The following HTR2C variants were observed in gnomAD, a reference collection of about 807,000 sequenced individuals.
HTR2C encodes the protein 5-hydroxytryptamine (serotonin) receptor 2C, G protein-coupled.
A neutral mutation model predicts 21.0 loss-of-function variants in HTR2C; 5 were observed. The ratio of observed to expected loss-of-function variants is 0.24; its 90% confidence interval spans 0.12 to 0.50. The LOEUF is 0.50. HTR2C is among the 20% of genes least tolerant of loss of function. The pLI is 0.98. For synonymous variants in HTR2C, 150 were observed against 145.3 expected (o/e 1.03, Z -0.23); for missense variants, 271 against 371.2 (o/e 0.73, Z 2.22).
At chrX:114,694,205 A>G (rs1179957427) in intron 2 of HTR2C, among the ~76,000 whole-genome samples, 1 of 110,153 alleles carries the variant, frequency 9.1e-6, no homozygotes, top group Non-Finnish European at 1.9e-5. Context: ...ATTTTCCTTC[A>G]CTCTTGAAAG....
At chrX:114,705,683 G>T (rs1220903985) in intron 2 of HTR2C, among the ~76,000 whole-genome samples, 53 of 73,873 alleles carry the variant, frequency 7.2e-4, no homozygotes, top group African/African-American at 2.2e-3. Context: ...AAAAGCAATG[G>T]AAACAAAAGA....
intron 2 of HTR2C, among the ~76,000 whole-genome samples, chrX:114,650,726 C>T (rs1040803578): frequency 9.0e-6 from 1 of 111,698 alleles, no homozygotes; most frequent in Non-Finnish European, 1.9e-5. Flanking sequence ...TGTAAACTCC[C>T]TTGTAGACAG....
At chrX:114,888,440 A>G (rs2071236947) in intron 5 of HTR2C, among the ~76,000 whole-genome samples, 1 of 112,066 alleles carries the variant, frequency 8.9e-6, no homozygotes, top group Non-Finnish European at 1.9e-5. Context: ...CCCGCTTCTC[A>G]GCTACACTTA....
At chrX:114,895,739 G>A (rs1179301855) in intron 5 of HTR2C, among the ~76,000 whole-genome samples, 3 of 111,623 alleles carry the variant, frequency 2.7e-5, no homozygotes, top group African/African-American at 6.5e-5. Flanking sequence ...TGTAATCCCA[G>A]CACTTTGGGA....
At chrX:114,906,374 T>C (rs1326734216) in intron 5 of HTR2C, among the ~76,000 whole-genome samples, 2 of 111,652 alleles carry the variant, frequency 1.8e-5, no homozygotes, top group Non-Finnish European at 3.8e-5. Flanking sequence ...TCTACAGAAT[T>C]TAGGGAGAAG....
At chrX:114,625,524 C>G (rs1443319368) in intron 2 of HTR2C, among the ~76,000 whole-genome samples, 1 of 110,964 alleles carries the variant, frequency 9.0e-6, no homozygotes, top group Admixed American at 9.7e-5. Context: ...TGCCAGCTCC[C>G]CTTCACCTTC....
At chrX:114,791,378 T>C (rs1273369661) in intron 4 of HTR2C, among the ~76,000 whole-genome samples, 4 of 111,995 alleles carry the variant, frequency 3.6e-5, no homozygotes, top group Non-Finnish European at 7.5e-5. Flanking sequence ...ATGCAAATTT[T>C]CTTAGTCGGT....
intron 2 of HTR2C, among the ~76,000 whole-genome samples, chrX:114,648,782 A>G (rs1024562499): frequency 1.8e-5 from 2 of 111,813 alleles, no homozygotes; most frequent in African/African-American, 3.3e-5. Flanking sequence ...ATTATTGCTT[A>G]GTCTGTGTTA....
chrX:114,708,654 T>G (rs1556418752), intron 2 of HTR2C, among the ~76,000 whole-genome samples: 2 of 110,445 alleles, frequency 1.8e-5, no homozygotes, highest in South Asian at 3.9e-4. Context: ...AAATTTTTTT[T>G]AAATCAACCA....
intron 5 of HTR2C, among the ~76,000 whole-genome samples, chrX:114,872,133 C>A (rs1326580881): frequency 2.7e-5 from 3 of 110,320 alleles, no homozygotes; most frequent in African/African-American, 9.9e-5. Flanking sequence ...GCCCAGTACC[C>A]AATTGTTATC....
intron 4 of HTR2C, among the ~76,000 whole-genome samples, chrX:114,828,641 A>G (rs372298548): frequency 1.8e-5 from 2 of 111,804 alleles, no homozygotes. Context: ...TACATTCACA[A>G]TGATGTCCAA....
chrX:114,615,061 G>A (rs11798460), intron 2 of HTR2C, among the ~76,000 whole-genome samples: 15,556 of 110,857 alleles, frequency 0.14, 837 homozygotes, highest in South Asian at 0.31. Context: ...TAATATATAC[G>A]CATTAGATTA....
chrX:114,730,338 A>G (rs782761307), intron 3 of HTR2C, among the ~76,000 whole-genome samples: 4 of 111,969 alleles, frequency 3.6e-5, no homozygotes, highest in African/African-American at 6.5e-5. Context: ...TGAGAAATGT[A>G]CATTTCTAAT....
At chrX:114,775,171 C>T (rs782078633) in intron 4 of HTR2C, 57 of 520,977 alleles carry the variant, frequency 1.1e-4, no homozygotes, top group Non-Finnish European at 1.6e-4. Context: ...CACTTTGTCC[C>T]TCTGCCTCTT....
intron 4 of HTR2C, among the ~76,000 whole-genome samples, chrX:114,751,406 AAC>A (rs1424496023): frequency 1.8e-5 from 2 of 112,134 alleles, no homozygotes; most frequent in East Asian, 5.6e-4. Context: ...AGCTGATTAT[AAC>A]ACATATTTTT....
chrX:114,820,249 ATAT>A (rs1225808460), intron 4 of HTR2C, among the ~76,000 whole-genome samples: 1 of 109,500 alleles, frequency 9.1e-6, no homozygotes, highest in Non-Finnish European at 1.9e-5. Flanking sequence ...TTATAAATAA[ATAT>A]TATGGGGTAC....
At chrX:114,616,960 C>T (rs901133576) in intron 2 of HTR2C, among the ~76,000 whole-genome samples, 4 of 112,281 alleles carry the variant, frequency 3.6e-5, no homozygotes, top group African/African-American at 9.7e-5. Flanking sequence ...GATTTATAAT[C>T]GTCACTCTCT....
intron 5 of HTR2C, among the ~76,000 whole-genome samples, chrX:114,854,989 G>A (rs185858024): frequency 6.3e-5 from 7 of 111,785 alleles, no homozygotes; most frequent in East Asian, 5.7e-4. Context: ...GTCACTAATC[G>A]TTAGAGAAAT....
chrX:114,822,115 G>A (rs1222513391), intron 4 of HTR2C, among the ~76,000 whole-genome samples: 1 of 110,814 alleles, frequency 9.0e-6, no homozygotes, highest in African/African-American at 3.3e-5. Flanking sequence ...CTAAAGTGCT[G>A]GGATTATAGG....
Sources: gnomAD v4.1 joint callset for allele counts (sites outside exome capture counted in the v4.1 genomes callset) on GRCh38, gnomAD v4.1.1 for gene constraint, MANE v1.5 for transcripts, NCBI Gene and HGNC (gene_info 2026-07-23, HGNC 2026-07-21) for gene names.